The following CDH18 variants were observed in gnomAD, a reference collection of about 807,000 sequenced individuals.
CDH18 encodes the protein cadherin 18, also known as cadherin-18.
A neutral mutation model predicts 67.9 loss-of-function variants in CDH18; 31 were observed. The observed-to-expected ratio is 0.46, with a 90% CI of 0.34 to 0.62. The LOEUF is 0.62. Ranked by LOEUF, CDH18 falls within the 20% of genes least tolerant of loss-of-function variation. The probability of loss-of-function intolerance (pLI) is 0.01; values close to 1 mark genes in which losing one functional copy is unlikely to be tolerated. For missense variants in CDH18, 890 were observed against 975.5 expected, an observed-to-expected ratio of 0.91 and a Z score of 1.17; for synonymous variants, 362 against 347.2, an observed-to-expected ratio of 1.04 and a Z score of -0.48.
intron 1 of CDH18, among the ~76,000 whole-genome samples, chr5:20,474,531 A>G (rs1435353829): frequency 6.6e-6 from 1 of 152,208 alleles, no homozygotes; most frequent in African/African-American, 2.4e-5. Flanking sequence ...CTTATAGACT[A>G]TAGTCAAATT....
At chr5:19,611,953 T>TGTGTGTGA (rs1749034721) in intron 6 of CDH18, among the ~76,000 whole-genome samples, 1 of 143,838 alleles carries the variant, frequency 7.0e-6, no homozygotes, top group East Asian at 2.0e-4. Context: ...ATGATGCGTG[T>TGTGTGTGA]GTGTGTGTGT....
intron 3 of CDH18, among the ~76,000 whole-genome samples, chr5:19,768,764 C>T (rs1213839465): frequency 6.6e-6 from 1 of 151,802 alleles, no homozygotes; most frequent in Non-Finnish European, 1.5e-5. Context: ...CAACAAACAC[C>T]ATAGAGAGGG....
At chr5:20,223,029 T>C (rs1353599083) in intron 2 of CDH18, among the ~76,000 whole-genome samples, 2 of 152,222 alleles carry the variant, frequency 1.3e-5, no homozygotes, top group East Asian at 1.9e-4. Flanking sequence ...ATCAAACTTC[T>C]TTGATGGTTA....
intron 1 of CDH18, among the ~76,000 whole-genome samples, chr5:20,412,750 A>G (rs760440022): frequency 2.6e-5 from 4 of 152,208 alleles, no homozygotes; most frequent in African/African-American, 4.8e-5. Flanking sequence ...ATCACTAACC[A>G]TCAGAGAAAT....
intron 2 of CDH18, among the ~76,000 whole-genome samples, chr5:20,045,680 T>C (rs894798888): frequency 5.9e-5 from 9 of 151,712 alleles, no homozygotes; most frequent in African/African-American, 1.9e-4. Flanking sequence ...CTAGCTGGGA[T>C]TGGTATTGTT....
At position 20,223,198 on chromosome 5, in the gene CDH18, C is replaced by T. The variant is rs1005751607; in HGVS notation, c.-518+32246G>A. Among the ~76,000 whole-genome samples the T allele has an allele frequency of 9.2e-5, 14 of 152,220 alleles. No individual in the cohort carries two copies. In the East Asian group the frequency reaches 2.5e-3, roughly 27 times the overall value. On this transcript the variant is annotated intron_variant, in intron 2 of 14. Transcript: ENST00000507958. ...AGCTGCCCAAGGCCGTGGAAACCCA[C>T]CTCTTGCATCAGCATGACCTGGATG...
chr5:19,534,444 G>T (rs1453829252), intron 9 of CDH18, among the ~76,000 whole-genome samples: 2 of 151,988 alleles, frequency 1.3e-5, no homozygotes, highest in Non-Finnish European at 2.9e-5. Flanking sequence ...TTTGTTACTT[G>T]TTACTATAAT....
chr5:20,156,840 A>C (rs1216147953), intron 2 of CDH18, among the ~76,000 whole-genome samples: 4 of 152,180 alleles, frequency 2.6e-5, no homozygotes, highest in Admixed American at 2.6e-4. Context: ...CAAACAATAA[A>C]ACTTGTTTGG....
chr5:19,913,146 T>C (rs1791344833), intron 2 of CDH18, among the ~76,000 whole-genome samples: 2 of 152,146 alleles, frequency 1.3e-5, no homozygotes, highest in Non-Finnish European at 1.5e-5. Flanking sequence ...ACTAGATACT[T>C]TTATGTTTTA....
chr5:19,928,364 A>G (rs1280192861), intron 2 of CDH18, among the ~76,000 whole-genome samples: 1 of 152,194 alleles, frequency 6.6e-6, no homozygotes, highest in African/African-American at 2.4e-5. Context: ...CACAGAAAGC[A>G]TTATACAAAA....
At chr5:19,871,667 A>C (rs1786310787) in intron 2 of CDH18, among the ~76,000 whole-genome samples, 1 of 152,132 alleles carries the variant, frequency 6.6e-6, no homozygotes, top group African/African-American at 2.4e-5. Context: ...ATTAGAGACC[A>C]GATTCCTTCC....
At chr5:19,722,630 G>A (rs1214421075) in intron 4 of CDH18, among the ~76,000 whole-genome samples, 3 of 151,234 alleles carry the variant, frequency 2.0e-5, no homozygotes, top group Non-Finnish European at 2.9e-5. Context: ...TATATTAAGG[G>A]ATATACAGCT....
chr5:20,526,812 C>T (rs933755498), intron 1 of CDH18, among the ~76,000 whole-genome samples: 9 of 152,040 alleles, frequency 5.9e-5, no homozygotes, highest in South Asian at 4.1e-4. Flanking sequence ...AAAAACAAAA[C>T]GCAAAAAGCA....
rs932273809 is a variant in CDH18 at position 20,288,312 on chromosome 5, G to A, written c.-579-32807C>T. 5.3e-5 allele frequency among the ~76,000 whole-genome samples: 8 copies of A among 151,630 alleles called. No individual in the cohort carries two copies. The East Asian group carries it at 1.5e-3, about 29-fold the overall frequency. ...AAGTGAATGTACAAGATAAAAATATGGTGAGAAAGGTTTAGTTGGAGTCAA... is the reference window on the plus strand; with the variant it reads ...AAGTGAATGTACAAGATAAAAATATAGTGAGAAAGGTTTAGTTGGAGTCAA... On this transcript the variant is annotated intron_variant, in intron 1 of 14. Coordinates refer to the CDH18 transcript ENST00000507958.
At position 20,139,809 on chromosome 5, in the gene CDH18, C is replaced by T. The variant is rs1750079578; in HGVS notation, c.-518+115635G>A. Among the ~76,000 whole-genome samples the T allele has an allele frequency of 3.9e-5, 6 of 152,232 alleles. No homozygotes were observed. In the South Asian group the frequency reaches 1.2e-3, roughly 32 times the overall value. ...GTTAGAATGGCGATCATTAAAAAGT[C>T]AGGAAACAACAGGTGCTGGAGAGGA... On this transcript the variant is annotated intron_variant, in intron 2 of 14. Coordinates refer to the CDH18 transcript ENST00000507958.
chr5:20,520,788 T>A (rs1755698849), intron 1 of CDH18, among the ~76,000 whole-genome samples: 1 of 152,052 alleles, frequency 6.6e-6, no homozygotes, highest in African/African-American at 2.4e-5. Flanking sequence ...GGCATCCAAG[T>A]AAAATGTCAA....
chr5:20,279,699 CAAAAAA>C (rs1189257278), intron 1 of CDH18, among the ~76,000 whole-genome samples: 119 of 13,592 alleles, frequency 8.8e-3, no homozygotes, highest in African/African-American at 0.027. Flanking sequence ...AGCTCTGTCT[CAAAAAA>C]AAAAAAAAAA....
chr5:20,519,960 T>G (rs1394769356), intron 1 of CDH18, among the ~76,000 whole-genome samples: 12 of 70,176 alleles, frequency 1.7e-4, no homozygotes, highest in African/African-American at 6.5e-4. Flanking sequence ...TTTTTTTTTT[T>G]TTTTTTTTTT....
Position 20,513,017 on chromosome 5 carries a change from C to G in CDH18, c.-580+62445G>C, listed in dbSNP as rs567250140. Reference sequence around the variant, plus strand: ...AATTCACCGTAGCATGTGAGCCTCTCTGTTGGTTTTCTTACTTCCTTTCTT... The same window carrying G: ...AATTCACCGTAGCATGTGAGCCTCTGTGTTGGTTTTCTTACTTCCTTTCTT... On this transcript the variant is annotated intron_variant, in intron 1 of 14. Transcript: ENST00000507958. 3.9e-5 allele frequency among the ~76,000 whole-genome samples: 6 copies of G among 152,218 alleles called. 1 individual carries two copies. The South Asian group carries it at 1.2e-3, about 32-fold the overall frequency.
Sources: gnomAD v4.1 joint callset for allele counts (sites outside exome capture counted in the v4.1 genomes callset) on GRCh38, gnomAD v4.1.1 for gene constraint, MANE v1.5 for transcripts, NCBI Gene and HGNC (gene_info 2026-07-23, HGNC 2026-07-21) for gene names.